The following RNF144A variants were observed in gnomAD, a reference collection of about 807,000 sequenced individuals.
RNF144A encodes the protein ring finger protein 144A, also known as E3 ubiquitin-protein ligase RNF144A.
A neutral mutation model predicts 38.7 loss-of-function variants in RNF144A; 11 were observed. The observed-to-expected ratio is 0.28, with a 90% confidence interval of 0.18 to 0.47. RNF144A has a LOEUF of 0.47. Among genes scored for constraint, RNF144A ranks in the 20% least tolerant of loss-of-function variants. RNF144A has a pLI of 0.99. For missense variants in RNF144A, 316 were observed against 377.2 expected (o/e 0.84, Z 1.34); for synonymous variants, 149 against 143.9 (o/e 1.04, Z -0.25).
intron 8 of RNF144A, among the ~76,000 whole-genome samples, chr2:7,031,832 C>T (rs758842257): frequency 1.3e-5 from 2 of 152,250 alleles, no homozygotes; most frequent in Non-Finnish European, 1.5e-5. Context: ...CCTCGCAGGC[C>T]GTAGGCCTCT....
chr2:7,040,187 A>G lies in RNF144A; in HGVS notation c.*427A>G. 1.0e-6 allele frequency: 1 copy of G among 990,116 alleles called. No individual in the cohort carries two copies. Among genetic ancestry groups the G allele is most frequent in the Non-Finnish European group, 1.2e-6 (1 of 833,220 alleles). 61.3% of individuals were successfully genotyped at this position (990,116 alleles called of 1,614,324 possible). A position where few individuals can be genotyped will look rare whatever the true frequency, so the allele number is the denominator to read the frequency against. Reference sequence around the variant, plus strand: ...AATCTGATTATTCCAGCTTGAGAGAAGCACTCTGTTTATGACAACTGTTTT... The same window carrying G: ...AATCTGATTATTCCAGCTTGAGAGAGGCACTCTGTTTATGACAACTGTTTT... On this transcript the variant is annotated 3_prime_UTR_variant, in exon 9 of 9. Coordinates refer to ENST00000320892, the MANE Select transcript of RNF144A (RefSeq NM_014746.6).
chr2:6,947,603 GC>G (rs1318537974), intron 2 of RNF144A, among the ~76,000 whole-genome samples: 3 of 152,192 alleles, frequency 2.0e-5, no homozygotes, highest in Non-Finnish European at 4.4e-5. Flanking sequence ...AAGGCAATAT[GC>G]CAGAAGTTAC....
At chr2:7,060,474 A>C (rs948477790) in intron 6 of RNF144A, among the ~76,000 whole-genome samples, 5 of 152,160 alleles carry the variant, frequency 3.3e-5, no homozygotes, top group Non-Finnish European at 5.9e-5. Flanking sequence ...TCAAATCCTG[A>C]AGGATTCAGA....
At chr2:7,056,897 G>A (rs942595074) in intron 6 of RNF144A, among the ~76,000 whole-genome samples, 1 of 152,122 alleles carries the variant, frequency 6.6e-6, no homozygotes, top group East Asian at 1.9e-4. Flanking sequence ...AAAACTCCCC[G>A]GCAGTCTGTC....
At chr2:6,929,593 C>T (rs1665083076) in intron 1 of RNF144A, among the ~76,000 whole-genome samples, 1 of 152,098 alleles carries the variant, frequency 6.6e-6, no homozygotes, top group African/African-American at 2.4e-5. Context: ...TTTTCAAAAC[C>T]ACGCATGTCT....
At chr2:7,044,291 A>T (rs989555386), downstream of RNF144A, 3 of 720,418 alleles carry the variant, frequency 4.2e-6, no homozygotes, top group Non-Finnish European at 5.1e-6. Context: ...AAAATATTCA[A>T]TGTGGGAACT....
chr2:6,985,654 T>C (rs1156310768), intron 2 of RNF144A, among the ~76,000 whole-genome samples: 1 of 151,872 alleles, frequency 6.6e-6, no homozygotes, highest in Non-Finnish European at 1.5e-5. Flanking sequence ...ATCAATGGGG[T>C]TTTCAAATTG....
rs70942685 is a variant in RNF144A, at chr2:6,990,572, AAC to A, written c.-11-6314_-11-6313del. Among the ~76,000 whole-genome samples the A allele has an allele frequency of 2.2e-3, 182 of 83,920 alleles. 1 individual carries two copies. The highest frequency in any genetic ancestry group is 9.7e-3 in the East Asian group (23 of 2,378). The allele number at this position is 83,920 out of a possible 152,430, so 55.1% of individuals were successfully genotyped here. A position where few individuals can be genotyped will look rare whatever the true frequency, so the allele number is the denominator to read the frequency against. On this transcript the variant is annotated intron_variant, in intron 2 of 8. Coordinates refer to ENST00000320892, the MANE Select transcript of RNF144A (RefSeq NM_014746.6). The stretch of plus-strand genomic sequence containing the variant: ...AGAGAGAGAGATTGCTACACACACA[AAC>A]ACACACACACACACACACACACACA...
At chr2:6,932,474 T>C (rs1665265947) in intron 1 of RNF144A, among the ~76,000 whole-genome samples, 1 of 152,166 alleles carries the variant, frequency 6.6e-6, no homozygotes, top group Non-Finnish European at 1.5e-5. Context: ...TTTTCCTTAA[T>C]ATATTAAGTT....
chr2:6,968,978 G>A (rs1169614596), intron 2 of RNF144A, among the ~76,000 whole-genome samples: 1 of 152,170 alleles, frequency 6.6e-6, no homozygotes, highest in Non-Finnish European at 1.5e-5. Context: ...CGCAGCATGT[G>A]GTCTCAGGGT....
At chr2:7,033,806 T>A (rs1456282461) in intron 8 of RNF144A, among the ~76,000 whole-genome samples, 1 of 152,246 alleles carries the variant, frequency 6.6e-6, no homozygotes, top group Non-Finnish European at 1.5e-5. Flanking sequence ...TGCTCATCTT[T>A]GTAACCTCTT....
In RNF144A at chr2:6,997,004, G is replaced by A; in HGVS notation, c.78G>A (p.Glu26=). 6.2e-7 allele frequency: 1 copy of A among 1,614,150 alleles called. No individual in the cohort carries two copies. Among genetic ancestry groups the A allele is most frequent in the Non-Finnish European group, 8.5e-7 (1 of 1,179,958 alleles). Residue 26 remains glutamate, a synonymous_variant, in exon 3 of 9, where the codon GAG becomes GAA. Transcript: ENST00000320892. The part of the protein sequence containing the change: ...PLVSCKLCLG[E]YPVEQMTTIA... ...TGTCTTGCAAGCTCTGTCTTGGGGA[G>A]TACCCAGTGGAGCAGATGACAACCA...
At chr2:7,038,990 GATGGATGGGTAA>G (rs1284284782) in intron 8 of RNF144A, among the ~76,000 whole-genome samples, 1 of 152,108 alleles carries the variant, frequency 6.6e-6, no homozygotes, top group Non-Finnish European at 1.5e-5. Flanking sequence ...TGGATGGTTG[GATGGATGGGTAA>G]ATGGATGGGT....
At chr2:6,987,017 T>C (rs1052983465) in intron 2 of RNF144A, among the ~76,000 whole-genome samples, 9 of 152,150 alleles carry the variant, frequency 5.9e-5, no homozygotes, top group African/African-American at 2.2e-4. Flanking sequence ...CCTTTGTGTC[T>C]TTCTCTGCAT....
intron 6 of RNF144A, among the ~76,000 whole-genome samples, chr2:7,049,806 T>C (rs1673447492): frequency 6.6e-6 from 1 of 152,158 alleles, no homozygotes; most frequent in South Asian, 2.1e-4. Context: ...TCCAACAAAG[T>C]GAGCTTCTGT....
intron 2 of RNF144A, among the ~76,000 whole-genome samples, chr2:6,980,910 G>A (rs1572327620): frequency 6.6e-6 from 1 of 152,350 alleles, no homozygotes. Flanking sequence ...GGCTTCCTAA[G>A]CTTAACTCTT....
intron 8 of RNF144A, among the ~76,000 whole-genome samples, chr2:7,032,905 C>A (rs1246082602): frequency 6.6e-6 from 1 of 152,248 alleles, no homozygotes; most frequent in Non-Finnish European, 1.5e-5. Flanking sequence ...CTGCATTCCT[C>A]TTCTGTACTT....
chr2:6,927,267 T>C (rs1402080475), intron 1 of RNF144A, among the ~76,000 whole-genome samples: 1 of 152,246 alleles, frequency 6.6e-6, no homozygotes, highest in Non-Finnish European at 1.5e-5. Context: ...CTGAAAGGAA[T>C]GCACAATTTC....
chr2:7,002,853 TGACAGC>T (rs1670200236), intron 3 of RNF144A, among the ~76,000 whole-genome samples: 5 of 152,176 alleles, frequency 3.3e-5, no homozygotes, highest in African/African-American at 1.2e-4. Context: ...TCATATGAGA[TGACAGC>T]TCCATGGTGT....
Sources: gnomAD v4.1 joint callset for allele counts (sites outside exome capture counted in the v4.1 genomes callset) on GRCh38, gnomAD v4.1.1 for gene constraint, MANE v1.5 for transcripts, NCBI Gene and HGNC (gene_info 2026-07-23, HGNC 2026-07-21) for gene names.